The following TJP1 variants were observed in gnomAD, a reference collection of about 807,000 sequenced individuals.
TJP1 encodes the protein tight junction protein 1.
In TJP1, 43 loss-of-function variants were observed where a neutral mutation model predicts 194.2. The observed-to-expected ratio is 0.22, with a 90% CI of 0.17 to 0.29. The LOEUF (loss-of-function observed/expected upper bound fraction) is 0.29, where lower values mean the gene tolerates loss of function less well. Ranked by LOEUF, TJP1 falls within the 10% of genes least tolerant of loss-of-function variation. The pLI is 1.00. For synonymous variants in TJP1, 801 were observed against 779.0 expected, an observed-to-expected ratio of 1.03 and a Z score of -0.47; for missense variants, 1,971 against 2,185.7, an observed-to-expected ratio of 0.90 and a Z score of 1.96.
At chr15:29,771,919 T>G in intron 4 of TJP1, 145 bp downstream of exon 4, 1 of 558,704 alleles carries the variant, frequency 1.8e-6, no homozygotes, top group South Asian at 2.8e-5. Flanking sequence ...ACACCAGTGT[T>G]AGAAGAAACA....
In TJP1 at chr15:29,705,627, T is replaced by G; in HGVS notation, c.4969A>C (p.Ile1657Leu). 1 of 1,614,226 alleles carries G rather than the reference T, an allele frequency of 6.2e-7. No individual in the cohort carries two copies. The highest frequency in any genetic ancestry group is 8.5e-7 in the Non-Finnish European group (1 of 1,180,050). Reference protein sequence around the residue: ...LSSIETGVSIIIPQGAIPEGV... With the variant: ...LSSIETGVSILIPQGAIPEGV... ...TCGGGAATGGCTCCTTGAGGGATAA[T>G]TATACTAACACCAGTTTCTATGGAA... Residue 1657 changes from isoleucine to leucine, a missense_variant, in exon 26 of 28, where the codon ATT becomes CTT. Physicochemically the swap from Ile to Leu is conservative, Grantham distance 5 (BLOSUM62 2). This residue lies in a region of TJP1 where 1,108 missense variants were observed against 1,128.5 expected (regional missense o/e 0.98). Transcript: ENST00000614355.
chr15:29,755,657 TA>T, intron 8 of TJP1, among the ~76,000 whole-genome samples: 1 of 152,364 alleles, frequency 6.6e-6, no homozygotes, highest in South Asian at 2.1e-4. Context: ...TTCTCAGAAC[TA>T]ACCATTTTCG....
Position 29,781,862 on chromosome 15 carries a change from T to C in TJP1, c.85-8505A>G, listed in dbSNP as rs576603102. On this transcript the variant is annotated intron_variant, in intron 2 of 27. Transcript: ENST00000614355. ...GTATATGACAAACCTACAGCCAACA[T>C]CATACTGAATGGGCAAAAGCTGGAA... is the stretch of plus-strand genomic sequence containing the variant. Among the ~76,000 whole-genome samples the C allele has an allele frequency of 2.0e-5, 3 of 152,288 alleles. No individual in the cohort carries two copies. The South Asian group carries it at 6.2e-4, about 32-fold the overall frequency.
At chr15:29,868,706 A>G (rs2052391356) in intron 2 of TJP1, among the ~76,000 whole-genome samples, 1 of 152,208 alleles carries the variant, frequency 6.6e-6, no homozygotes, top group Admixed American at 6.5e-5. Context: ...AAAATAGCCC[A>G]AGTTTTAAGT....
At chr15:29,757,032 C>A (rs2151488308) in intron 8 of TJP1, among the ~76,000 whole-genome samples, 1 of 152,244 alleles carries the variant, frequency 6.6e-6, no homozygotes, top group East Asian at 1.9e-4. Flanking sequence ...ACTAATTTCT[C>A]ACCATTCTGT....
At chr15:29,825,066 A>G (rs917723829), upstream of TJP1, among the ~76,000 whole-genome samples, 2 of 152,180 alleles carry the variant, frequency 1.3e-5, no homozygotes, top group Non-Finnish European at 2.9e-5. Flanking sequence ...TAAACAAGAG[A>G]AGGCTTTTAT....
intron 2 of TJP1, among the ~76,000 whole-genome samples, chr15:29,791,046 T>C (rs2048046440): frequency 6.6e-6 from 1 of 151,982 alleles, no homozygotes; most frequent in African/African-American, 2.4e-5. Flanking sequence ...CCTTTTTTTT[T>C]GGACGGAGTC....
intron 8 of TJP1, among the ~76,000 whole-genome samples, chr15:29,745,055 T>A (rs1018847140): frequency 6.6e-6 from 1 of 152,044 alleles, no homozygotes; most frequent in African/African-American, 2.4e-5. Context: ...AGTGTTAATA[T>A]CAAACTGGCA....
chr15:29,731,816 A>AT (rs1491584752), intron 15 of TJP1, among the ~76,000 whole-genome samples: 6 of 152,080 alleles, frequency 3.9e-5, no homozygotes, highest in Non-Finnish European at 8.8e-5. Flanking sequence ...AAAAAAAAAA[A>AT]GAAAGTAAAT....
chr15:29,782,801 CA>C (rs1298061846), intron 2 of TJP1, among the ~76,000 whole-genome samples: 1 of 138,956 alleles, frequency 7.2e-6, no homozygotes, highest in Non-Finnish European at 1.5e-5. Context: ...ATGCATCTGA[CA>C]AAGGTCTAAT....
At chr15:29,929,792 A>G (rs2054646889) in intron 2 of TJP1, among the ~76,000 whole-genome samples, 1 of 152,076 alleles carries the variant, frequency 6.6e-6, no homozygotes, top group Non-Finnish European at 1.5e-5. Flanking sequence ...AAATTAATGA[A>G]ACTTGAAACA....
intron 2 of TJP1, among the ~76,000 whole-genome samples, chr15:29,928,385 T>C (rs746247032): frequency 8.5e-5 from 13 of 152,200 alleles, no homozygotes; most frequent in Non-Finnish European, 1.8e-4. Context: ...CAACGACAAG[T>C]GTTGCTAAAT....
intron 1 of TJP1, among the ~76,000 whole-genome samples, chr15:29,810,282 G>T (rs978227054): frequency 6.6e-6 from 1 of 152,178 alleles, no homozygotes; most frequent in Non-Finnish European, 1.5e-5. Flanking sequence ...TGACAGTAAT[G>T]TGGGAATTCA....
rs1259542651 is a variant in TJP1, at chr15:29,733,172, T to C, written c.1658A>G (p.Lys553Arg). The C allele has an allele frequency of 6.2e-7, 1 of 1,614,112 alleles. No homozygotes were observed. Among genetic ancestry groups the C allele is most frequent in the South Asian group, 1.1e-5 (1 of 91,086 alleles). The change falls in exon 13 of 28, where the codon AAA becomes AGA. Residue 553 changes from lysine to arginine, a missense_variant. Lys to Arg is a conservative substitution (Grantham distance 26). This residue lies in a region of TJP1 where 402 missense variants were observed against 484.2 expected (regional missense o/e 0.83). Transcript: ENST00000614355. ...FRVVDTLYNGKLGSWLAIRIG... is the reference protein window; with the variant it reads ...FRVVDTLYNGRLGSWLAIRIG... ...TCGAATAGCAAGCCAAGAGCCCAGT[T>C]TTCCATTGTACAAGGTATCCACAAC...
At chr15:29,827,382 C>A (rs550938722), upstream of TJP1, among the ~76,000 whole-genome samples, 1 of 152,144 alleles carries the variant, frequency 6.6e-6, no homozygotes, top group African/African-American at 2.4e-5. Flanking sequence ...GCCCTCTGAC[C>A]GTCTGTACTT....
chr15:29,705,768 T>C (rs761752473), intron 25 of TJP1, 23 bp from the exon 26 acceptor site: 5 of 1,607,554 alleles, frequency 3.1e-6, no homozygotes, highest in Non-Finnish European at 4.3e-6. Context: ...AAATGGCTAG[T>C]GAGTGAATTC....
intron 8 of TJP1, among the ~76,000 whole-genome samples, chr15:29,756,506 A>C (rs921610308): frequency 2.0e-5 from 3 of 152,160 alleles, no homozygotes; most frequent in East Asian, 1.9e-4. Flanking sequence ...CAAAAGGAGG[A>C]GGCTGGATTT....
intron 2 of TJP1, among the ~76,000 whole-genome samples, chr15:29,783,546 C>T (rs1010559820): frequency 1.3e-5 from 2 of 152,166 alleles, no homozygotes; most frequent in Non-Finnish European, 2.9e-5. Context: ...CAGCACTATT[C>T]GCAATAGCTA....
At chr15:29,768,810 T>C (rs1023961627) in intron 4 of TJP1, among the ~76,000 whole-genome samples, 5 of 152,156 alleles carry the variant, frequency 3.3e-5, no homozygotes, top group East Asian at 1.9e-4. Flanking sequence ...TTTAACACTA[T>C]GAAAAATTTG....
Sources: gnomAD v4.1 joint callset for allele counts (sites outside exome capture counted in the v4.1 genomes callset) on GRCh38, gnomAD v4.1.1 for gene constraint, gnomAD v4.1.1 regional missense constraint, MANE v1.5 for transcripts, NCBI Gene and HGNC (gene_info 2026-07-23, HGNC 2026-07-21) for gene names.